HNMT: variants seen among roughly 807,000 people sequenced by gnomAD.
HNMT encodes histamine N-methyltransferase.
HNMT carries 30 observed loss-of-function variants against 32.1 expected under a neutral mutation model. That is an observed-to-expected ratio of 0.93 (90% CI 0.70 to 1.27). The LOEUF is 1.27. HNMT is among the 50% of genes most tolerant of loss of function. The pLI is 0.00. For missense variants in HNMT, 327 were observed against 346.0 expected, an observed-to-expected ratio of 0.95 and a Z score of 0.43; for synonymous variants, 125 against 119.0, an observed-to-expected ratio of 1.05 and a Z score of -0.33.
chr2:137,978,391 GTAT>G (rs1214434305), intron 2 of HNMT, among the ~76,000 whole-genome samples: 2 of 142,800 alleles, frequency 1.4e-5, no homozygotes, highest in East Asian at 2.0e-4. Flanking sequence ...ATATAATATA[GTAT>G]TATACAATAC....
intron 2 of HNMT, among the ~76,000 whole-genome samples, chr2:137,986,238 A>G (rs2104950542): frequency 6.7e-6 from 1 of 150,178 alleles, no homozygotes; most frequent in South Asian, 2.1e-4. Flanking sequence ...AACCAACGAG[A>G]TTATATATAT....
intron 5 of HNMT, among the ~76,000 whole-genome samples, chr2:138,009,961 C>G (rs1681444983): frequency 1.3e-5 from 2 of 151,970 alleles, no homozygotes; most frequent in Admixed American, 6.6e-5. Flanking sequence ...GAATATTGAC[C>G]CAGAACTTGG....
In HNMT at chr2:137,970,939, AAG is replaced by A. The variant is rs1558951036; in HGVS notation, c.190+724_190+725del. Among the ~76,000 whole-genome samples the A allele has an allele frequency of 3.1e-3, 22 of 7,200 alleles. 2 individuals are homozygous for A. The highest frequency in any genetic ancestry group is 4.7e-3 in the African/African-American group (22 of 4,702). 4.7% of individuals were successfully genotyped at this position (7,200 alleles called of 152,430 possible). On this transcript the variant is annotated intron_variant, in intron 2 of 5. Transcript: ENST00000280097. ...CGTCTCAAAAAAAAAAAAAAAAAGA[AAG>A]AAAGAAAGAAAGAAAGAAAGAAAGA...
At chr2:138,012,827 C>G (rs1681549251) in intron 5 of HNMT, among the ~76,000 whole-genome samples, 1 of 152,058 alleles carries the variant, frequency 6.6e-6, no homozygotes, top group South Asian at 2.1e-4. Context: ...CCTGTTGGAT[C>G]TCGGAGTATA....
At chr2:137,995,924 A>G (rs2104966705) in intron 2 of HNMT, among the ~76,000 whole-genome samples, 1 of 152,344 alleles carries the variant, frequency 6.6e-6, no homozygotes, top group South Asian at 2.1e-4. Flanking sequence ...AAACCACATT[A>G]TTATCTCAAT....
intron 1 of HNMT, 28 bp from the exon 2 acceptor site, chr2:137,970,137 C>A (rs1178349491): frequency 5.9e-6 from 8 of 1,355,884 alleles, no homozygotes; most frequent in Non-Finnish European, 6.3e-6. Context: ...ACACATTTTT[C>A]TAAAACTACA....
intron 2 of HNMT, among the ~76,000 whole-genome samples, chr2:137,974,463 C>T (rs1033407308): frequency 2.0e-5 from 3 of 151,948 alleles, no homozygotes; most frequent in Non-Finnish European, 4.4e-5. Flanking sequence ...CTAGATGGTA[C>T]GTGGGAAAAA....
chr2:137,993,003 A>G (rs1680871038), intron 2 of HNMT, among the ~76,000 whole-genome samples: 1 of 152,178 alleles, frequency 6.6e-6, no homozygotes, highest in South Asian at 2.1e-4. Context: ...CAACAGCATC[A>G]ACAACAAGAA....
chr2:137,974,110 C>A (rs1033870576), intron 2 of HNMT, among the ~76,000 whole-genome samples: 2 of 151,686 alleles, frequency 1.3e-5, no homozygotes, highest in Non-Finnish European at 2.9e-5. Flanking sequence ...TATATGAACC[C>A]AATAGGAAGA....
chr2:137,993,782 G>C (rs1680898754), intron 2 of HNMT, among the ~76,000 whole-genome samples: 1 of 152,090 alleles, frequency 6.6e-6, no homozygotes, highest in Admixed American at 6.5e-5. Context: ...AGAAAAGCCA[G>C]GTCACCTACA....
chr2:137,981,102 T>C, intron 2 of HNMT: 1 of 1,265,706 alleles, frequency 7.9e-7, no homozygotes, highest in Non-Finnish European at 1.1e-6. Context: ...TAGAATTAAA[T>C]TTTTCCTGCT....
rs1322698168 is a variant in HNMT at position 137,979,685 on chromosome 2, A to T, written c.190+9468A>T. ...ATAAATTTTGATATATTCATAGTTTAACACTCAAGAGAAAGGCAAAATAAT... is the reference window on the plus strand; with the variant it reads ...ATAAATTTTGATATATTCATAGTTTTACACTCAAGAGAAAGGCAAAATAAT... On this transcript the variant is annotated intron_variant, in intron 2 of 5. Coordinates refer to ENST00000280097, the MANE Select transcript of HNMT (RefSeq NM_006895.3). 2.6e-5 allele frequency among the ~76,000 whole-genome samples: 4 copies of T among 152,174 alleles called. No homozygotes were observed. The East Asian group carries it at 7.7e-4, about 29-fold the overall frequency.
At chr2:137,973,335 A>C (rs1300058038) in intron 2 of HNMT, among the ~76,000 whole-genome samples, 2 of 152,158 alleles carry the variant, frequency 1.3e-5, no homozygotes, top group Non-Finnish European at 2.9e-5. Context: ...TACAAGCATC[A>C]GGCAGAACAA....
chr2:138,008,437 C>T (rs1318539064), intron 5 of HNMT, among the ~76,000 whole-genome samples: 2 of 151,880 alleles, frequency 1.3e-5, no homozygotes, highest in African/African-American at 4.8e-5. Flanking sequence ...GTGAATAATC[C>T]TGCAATGAAC....
At chr2:137,986,012 G>T (rs992172510) in intron 2 of HNMT, among the ~76,000 whole-genome samples, 1 of 151,924 alleles carries the variant, frequency 6.6e-6, no homozygotes, top group Non-Finnish European at 1.5e-5. Flanking sequence ...TGTTTAATTA[G>T]ATACATAATG....
At chr2:138,011,106 G>A (rs1030871608) in intron 5 of HNMT, among the ~76,000 whole-genome samples, 1 of 151,474 alleles carries the variant, frequency 6.6e-6, no homozygotes, top group East Asian at 2.0e-4. Flanking sequence ...GCATTAGTCG[G>A]GAAGTGCATA....
At chr2:138,011,716 G>C (rs1347300885) in intron 5 of HNMT, among the ~76,000 whole-genome samples, 1 of 152,094 alleles carries the variant, frequency 6.6e-6, no homozygotes, top group Admixed American at 6.6e-5. Context: ...TTTAATCCTA[G>C]AAGCACAAAG....
At chr2:137,976,289 A>T (rs931747240) in intron 2 of HNMT, among the ~76,000 whole-genome samples, 1 of 151,886 alleles carries the variant, frequency 6.6e-6, no homozygotes, top group Non-Finnish European at 1.5e-5. Flanking sequence ...ACAAAAAAAA[A>T]AAAACCTGTC....
chr2:137,993,717 C>T (rs1332823768), intron 2 of HNMT, among the ~76,000 whole-genome samples: 1 of 152,114 alleles, frequency 6.6e-6, no homozygotes, highest in Non-Finnish European at 1.5e-5. Context: ...CCCCAAGACA[C>T]ATAATCATCA....
Sources: allele counts gnomAD v4.1 joint callset (sites outside exome capture counted in the v4.1 genomes callset), GRCh38; gene constraint gnomAD v4.1.1; transcripts MANE v1.5; gene names NCBI Gene and HGNC (gene_info 2026-07-23, HGNC 2026-07-21).